NUP37: variants seen among roughly 807,000 people sequenced by gnomAD.
NUP37 encodes the protein nucleoporin Nup37.
Under a neutral mutation model 45.4 loss-of-function variants are expected in NUP37, and 33 were observed. The observed-to-expected ratio is 0.73, with a 90% CI of 0.55 to 0.97. The LOEUF (loss-of-function observed/expected upper bound fraction) is 0.97, where lower values mean the gene tolerates loss of function less well. NUP37 is among the 50% of genes least tolerant of loss of function. The pLI, the probability that NUP37 is intolerant of heterozygous loss-of-function variation, is 0.00. For missense variants in NUP37, 365 were observed against 389.7 expected (o/e 0.94, Z 0.53); for synonymous variants, 127 against 130.7 (o/e 0.97, Z 0.19).
intron 6 of NUP37, among the ~76,000 whole-genome samples, chr12:102,082,571 A>T (rs1299603124): frequency 6.6e-6 from 1 of 152,244 alleles, no homozygotes; most frequent in Non-Finnish European, 1.5e-5. Flanking sequence ...CCATTTTATA[A>T]GATGAAGTGA....
intron 8 of NUP37, 124 bp downstream of exon 8, chr12:102,076,673 C>A: frequency 1.2e-5 from 8 of 677,404 alleles, no homozygotes; most frequent in South Asian, 4.0e-5. Flanking sequence ...GTAAAATAAC[C>A]ACTTATAAAA....
At chr12:102,082,629 G>C (rs544958935) in intron 6 of NUP37, among the ~76,000 whole-genome samples, 1 of 152,326 alleles carries the variant, frequency 6.6e-6, no homozygotes, top group African/African-American at 2.4e-5. Context: ...CAGCTAGTAA[G>C]TGGTGAAACT....
chr12:102,085,561 A>G (rs541747224), intron 6 of NUP37, among the ~76,000 whole-genome samples: 1 of 152,360 alleles, frequency 6.6e-6, no homozygotes, highest in African/African-American at 2.4e-5. Flanking sequence ...AATGCCATTT[A>G]TGGATGATGG....
Position 102,111,092 on chromosome 12 carries a change from C to G in NUP37, c.281+1016G>C, listed in dbSNP as rs1180835005. ...ATTTACAGAAGAATGAATAAACAGA[C>G]TATGGTCTATTGATACACTGTAATG... On this transcript the variant is annotated intron_variant, in intron 3 of 9. Coordinates refer to ENST00000552283, the MANE Select transcript of NUP37 (RefSeq NM_024057.4). Among the ~76,000 whole-genome samples the G allele has an allele frequency of 2.6e-5, 4 of 152,150 alleles. No individual in the cohort carries two copies. In the East Asian group the frequency reaches 7.7e-4, roughly 29 times the overall value.
rs1267691745 is a variant in NUP37, at chr12:102,074,265, T to C, written c.*89A>G. 7 of 697,334 alleles carry C rather than the reference T, an allele frequency of 1.0e-5. No individual in the cohort carries two copies. In the Admixed American group the frequency reaches 1.2e-4, roughly 12 times the overall value. 43.2% of individuals were successfully genotyped at this position (697,334 alleles called of 1,614,324 possible). ...TCTAAAGTATACGGTATATTTGATA[T>C]AAAAATTCTTCAAAATATGTACTAT... On this transcript the variant is annotated 3_prime_UTR_variant, in exon 10 of 10. Transcript: ENST00000552283.
At chr12:102,078,461 A>G (rs570277153) in intron 6 of NUP37, among the ~76,000 whole-genome samples, 1 of 152,350 alleles carries the variant, frequency 6.6e-6, no homozygotes, top group Non-Finnish European at 1.5e-5. Context: ...ATTGTCTAGA[A>G]AGAATAGCTA....
Position 102,073,366 on chromosome 12 carries a change from A to C in NUP37, c.*988T>G, listed in dbSNP as rs528912353. Reference sequence around the variant, plus strand: ...TTTAATGATCTTTGAGAGGGTGAACACAGTTCCATTGCCAACAGGTCCCAT... The same window carrying C: ...TTTAATGATCTTTGAGAGGGTGAACCCAGTTCCATTGCCAACAGGTCCCAT... On this transcript the variant is annotated 3_prime_UTR_variant, in exon 10 of 10. Transcript: ENST00000552283. 6.6e-6 allele frequency: 1 copy of C among 152,264 alleles called. No individual in the cohort carries two copies. The highest frequency in any genetic ancestry group is 2.4e-5 in the African/African-American group (1 of 41,554). The allele number at this position is 152,264 out of a possible 1,614,324, so 9.4% of individuals were successfully genotyped here.
At chr12:102,094,489 G>T (rs1462795627) in intron 5 of NUP37, among the ~76,000 whole-genome samples, 2 of 150,720 alleles carry the variant, frequency 1.3e-5, no homozygotes, top group Admixed American at 6.6e-5. Context: ...TGCATATTTT[G>T]TGATCTCAAT....
chr12:102,098,728 C>T (rs150998089), intron 5 of NUP37, among the ~76,000 whole-genome samples: 2,416 of 152,248 alleles, frequency 0.016, 44 homozygotes, highest in Non-Finnish European at 0.026. Context: ...AATGGAGTTT[C>T]GCCATGTTGG....
At chr12:102,107,846 T>TA (rs1199402910) in intron 3 of NUP37, among the ~76,000 whole-genome samples, 1 of 151,540 alleles carries the variant, frequency 6.6e-6, no homozygotes, top group Admixed American at 6.6e-5. Context: ...GATAAAACTA[T>TA]AAAAAAAAGC....
chr12:102,092,624 T>C (rs1006514114), intron 5 of NUP37, among the ~76,000 whole-genome samples: 3 of 152,158 alleles, frequency 2.0e-5, no homozygotes, highest in Admixed American at 6.5e-5. Flanking sequence ...GTGAAACATT[T>C]TGCAAAAGAA....
intron 3 of NUP37, among the ~76,000 whole-genome samples, chr12:102,111,119 A>G (rs903304232): frequency 6.6e-6 from 1 of 152,220 alleles, no homozygotes; most frequent in Non-Finnish European, 1.5e-5. Context: ...ACTGTAATGG[A>G]GTACTACTTA....
At chr12:102,078,798 ATTGAG>A (rs1332367357) in intron 6 of NUP37, among the ~76,000 whole-genome samples, 1 of 152,232 alleles carries the variant, frequency 6.6e-6, no homozygotes, top group African/African-American at 2.4e-5. Context: ...CTAAGATACC[ATTGAG>A]TTAAGATGTT....
intron 6 of NUP37, among the ~76,000 whole-genome samples, chr12:102,083,404 A>C (rs1190060845): frequency 6.6e-6 from 1 of 152,216 alleles, no homozygotes; most frequent in Non-Finnish European, 1.5e-5. Context: ...CTGATGAAAG[A>C]CTCAATGGGC....
chr12:102,080,094 G>A (rs1364267303), intron 6 of NUP37, among the ~76,000 whole-genome samples: 1 of 152,054 alleles, frequency 6.6e-6, no homozygotes, highest in Non-Finnish European at 1.5e-5. Context: ...AAAGATAAAG[G>A]ACATAATCCT....
chr12:102,073,403 T>TTAAG lies in NUP37; in HGVS notation c.*947_*950dup, dbSNP rs1185021565. 3 of 152,176 alleles carry TTAAG rather than the reference T, an allele frequency of 2.0e-5. No individual in the cohort carries two copies. Among genetic ancestry groups the TTAAG allele is most frequent in the Non-Finnish European group, 4.4e-5 (3 of 68,036 alleles). The allele number at this position is 152,176 out of a possible 1,614,324, so 9.4% of individuals were successfully genotyped here. A position where few individuals can be genotyped will look rare whatever the true frequency, so the allele number is the denominator to read the frequency against. On this transcript the variant is annotated 3_prime_UTR_variant, in exon 10 of 10. Coordinates refer to ENST00000552283, the MANE Select transcript of NUP37 (RefSeq NM_024057.4). ...CCAACAGGTCCCATCTCAAAAACAC[T>TTAAG]TAAGTTTCTTGGTAAGAACAGTGAA...
intron 1 of NUP37, chr12:102,119,569 A>C (rs2051473545): frequency 6.6e-6 from 1 of 152,140 alleles, no homozygotes; most frequent in Non-Finnish European, 1.5e-5. Context: ...AAACAGCTGG[A>C]CTCAGTAACA....
At chr12:102,113,880 A>G (rs1594402021) in intron 2 of NUP37, among the ~76,000 whole-genome samples, 1 of 152,208 alleles carries the variant, frequency 6.6e-6, no homozygotes, top group Non-Finnish European at 1.5e-5. Context: ...TTTTTCCAGG[A>G]TAGCCTATGG....
At position 102,118,467 on chromosome 12, in the gene NUP37, A is replaced by T. The variant is rs143789006; in HGVS notation, c.52T>A (p.Tyr18Asn). ...GGATTAAATTCTACCACATGCACAT[A>T]ATCTTCACAATCCACAGTGTAGGCA... ...NAAYTVDCED[Y>N]VHVVEFNPFE... Residue 18 changes from tyrosine (Y) to asparagine (N), a missense_variant, in exon 2 of 10, where the codon TAT (tyrosine) becomes AAT (asparagine). Physicochemically the swap from Tyr to Asn is moderately radical, Grantham distance 143. Transcript: ENST00000552283. 4 of 1,613,892 alleles carry T rather than the reference A, an allele frequency of 2.5e-6. No homozygotes were observed. In the African/African-American group the frequency reaches 5.3e-5, roughly 22 times the overall value.
Sources: allele counts gnomAD v4.1 joint callset (sites outside exome capture counted in the v4.1 genomes callset), GRCh38; gene constraint gnomAD v4.1.1; transcripts MANE v1.5; gene names NCBI Gene and HGNC (gene_info 2026-07-23, HGNC 2026-07-21).